Variants in EXOC6 observed in about 807,000 individuals in gnomAD.
EXOC6 encodes the protein exocyst complex component 6, also known as SEC15-like 1.
Under a neutral mutation model 112.5 loss-of-function variants are expected in EXOC6, and 60 were observed. The observed-to-expected ratio is 0.53, with a 90% CI of 0.43 to 0.66. The LOEUF is 0.66. EXOC6 is among the 30% of genes least tolerant of loss of function. The pLI is 0.00. For synonymous variants in EXOC6, 295 were observed against 308.0 expected, an observed-to-expected ratio of 0.96 and a Z score of 0.44; for missense variants, 855 against 957.1, an observed-to-expected ratio of 0.89 and a Z score of 1.41.
At chr10:92,909,135 T>C (rs1321014865) in intron 5 of EXOC6, among the ~76,000 whole-genome samples, 2 of 152,178 alleles carry the variant, frequency 1.3e-5, no homozygotes, top group Non-Finnish European at 2.9e-5. Flanking sequence ...CAATGATACA[T>C]ATTCATTTAA....
chr10:92,881,971 G>A (rs772474187), intron 1 of EXOC6, among the ~76,000 whole-genome samples: 1 of 152,098 alleles, frequency 6.6e-6, no homozygotes. Context: ...GGAACTGTGA[G>A]TCCATTAAAC....
intron 20 of EXOC6, among the ~76,000 whole-genome samples, chr10:93,049,901 G>A (rs1846200047): frequency 1.3e-5 from 2 of 152,178 alleles, no homozygotes; most frequent in African/African-American, 2.4e-5. Context: ...CCCATTTGGG[G>A]AGTGATTGCT....
chr10:92,881,498 T>C (rs764108684), intron 1 of EXOC6, among the ~76,000 whole-genome samples: 4 of 152,224 alleles, frequency 2.6e-5, no homozygotes, highest in Admixed American at 6.5e-5. Context: ...ATAATTGTGC[T>C]CTGTATTAAA....
chr10:92,946,268 C>T (rs1852995254), intron 13 of EXOC6, among the ~76,000 whole-genome samples: 1 of 152,120 alleles, frequency 6.6e-6, no homozygotes, highest in African/African-American at 2.4e-5. Context: ...TGCACTCCAG[C>T]CTGGGTGACA....
At chr10:92,975,350 T>C (rs534264165) in intron 18 of EXOC6, among the ~76,000 whole-genome samples, 2,188 of 147,690 alleles carry the variant, frequency 0.015, 56 homozygotes, top group African/African-American at 0.052. Context: ...GTCTGAGAAG[T>C]GAGGAGCCCC....
intron 20 of EXOC6, among the ~76,000 whole-genome samples, chr10:93,030,864 ATACAGT>A (rs1425185491): frequency 6.6e-6 from 1 of 152,196 alleles, no homozygotes; most frequent in Non-Finnish European, 1.5e-5. Flanking sequence ...CAAAAAAGAA[ATACAGT>A]TAAAGTGACA....
chr10:92,912,916 C>T (rs991079257), intron 6 of EXOC6, among the ~76,000 whole-genome samples: 1 of 152,166 alleles, frequency 6.6e-6, no homozygotes, highest in African/African-American at 2.4e-5. Context: ...GGTTGCATTC[C>T]ATTCCCAGAG....
At chr10:93,042,928 ATT>A (rs34460754) in intron 20 of EXOC6, among the ~76,000 whole-genome samples, 9,523 of 97,688 alleles carry the variant, frequency 0.097, 475 homozygotes, top group Admixed American at 0.14. Flanking sequence ...ATATTTTACT[ATT>A]ATTATTATTA....
At chr10:92,833,868 G>A (rs533452147), upstream of EXOC6, among the ~76,000 whole-genome samples, 17 of 151,450 alleles carry the variant, frequency 1.1e-4, no homozygotes, top group Non-Finnish European at 2.1e-4. Flanking sequence ...CTGGTTGTAG[G>A]GCACATTTTC....
At chr10:92,857,783 GTGTGTGTC>G (rs921099316) in intron 1 of EXOC6, among the ~76,000 whole-genome samples, 2 of 151,524 alleles carry the variant, frequency 1.3e-5, no homozygotes, top group Admixed American at 6.6e-5. Flanking sequence ...GGTGTTCTTT[GTGTGTGTC>G]TGTGTGTGTC....
intron 18 of EXOC6, among the ~76,000 whole-genome samples, chr10:92,984,875 T>A (rs1018786914): frequency 1.3e-5 from 2 of 152,072 alleles, no homozygotes; most frequent in African/African-American, 4.8e-5. Flanking sequence ...GGCACACACC[T>A]GTAGTCCCAG....
intron 20 of EXOC6, among the ~76,000 whole-genome samples, chr10:93,031,445 T>G (rs1845265884): frequency 1.3e-5 from 2 of 152,032 alleles, no homozygotes; most frequent in Non-Finnish European, 2.9e-5. Flanking sequence ...TGATCTAATA[T>G]GTTCTCATTT....
chr10:92,933,887 C>T (rs2133953422), intron 9 of EXOC6, among the ~76,000 whole-genome samples: 1 of 152,188 alleles, frequency 6.6e-6, no homozygotes, highest in Middle Eastern at 3.4e-3. Flanking sequence ...GAGGTGATGA[C>T]AGCTTTGATT....
intron 9 of EXOC6, among the ~76,000 whole-genome samples, chr10:92,930,989 G>T (rs896269021): frequency 5.3e-5 from 8 of 151,950 alleles, no homozygotes; most frequent in African/African-American, 1.9e-4. Context: ...GCGTGTGCCT[G>T]TAGTCCCAGC....
At chr10:92,848,484 C>G, upstream of EXOC6, 18 of 1,264,308 alleles carry the variant, frequency 1.4e-5, no homozygotes, top group Non-Finnish European at 1.7e-5. Flanking sequence ...AGCTCGCCCC[C>G]GTCGTTCCCG....
intron 1 of EXOC6, among the ~76,000 whole-genome samples, chr10:92,838,660 T>G (rs1271969900): frequency 6.6e-6 from 1 of 152,104 alleles, no homozygotes. Context: ...GGTGGAAAAG[T>G]AGAATTTGAT....
At chr10:92,885,346 A>G (rs1000433947) in intron 1 of EXOC6, among the ~76,000 whole-genome samples, 1 of 150,670 alleles carries the variant, frequency 6.6e-6, no homozygotes, top group Non-Finnish European at 1.5e-5. Context: ...CATAAGCCAT[A>G]TTTGTTCTCT....
At chr10:92,870,554 G>C (rs1359044222) in intron 1 of EXOC6, among the ~76,000 whole-genome samples, 2 of 152,040 alleles carry the variant, frequency 1.3e-5, no homozygotes, top group African/African-American at 4.8e-5. Context: ...TTTTTTCTTT[G>C]ATATTTATAA....
upstream of EXOC6, among the ~76,000 whole-genome samples, chr10:92,831,127 C>T (rs545220662): frequency 1.3e-5 from 2 of 151,406 alleles, no homozygotes; most frequent in Non-Finnish European, 2.9e-5. Flanking sequence ...AGTTGTTGCC[C>T]GTGTCTCCTA....
Sources: allele counts gnomAD v4.1 joint callset (sites outside exome capture counted in the v4.1 genomes callset), GRCh38; gene constraint gnomAD v4.1.1; transcripts MANE v1.5; gene names NCBI Gene and HGNC (gene_info 2026-07-23, HGNC 2026-07-21).